Variants in CATSPERG observed in about 807,000 individuals in gnomAD.
CATSPERG encodes the protein catsper channel auxiliary subunit gamma, also known as cation channel sperm-associated auxiliary subunit gamma.
Under a neutral mutation model 145.0 loss-of-function variants are expected in CATSPERG, and 115 were observed. That is an observed-to-expected ratio of 0.79 (90% CI 0.68 to 0.93). The LOEUF is 0.93. CATSPERG is among the 40% of genes least tolerant of loss of function. CATSPERG has a pLI of 0.00. For missense variants in CATSPERG, 1,296 were observed against 1,490.1 expected (o/e 0.87, Z 2.14); for synonymous variants, 588 against 589.0 (o/e 1.00, Z 0.02).
chr19:38,344,495 T>C (rs1969993331), intron 6 of CATSPERG, 127 bp downstream of exon 6: 2 of 779,666 alleles, frequency 2.6e-6, no homozygotes, highest in Non-Finnish European at 4.4e-6. Context: ...CACATGAAGA[T>C]CCCATTAATC....
In CATSPERG at chr19:38,356,074, TTTA is replaced by T. The variant is rs144996184; in HGVS notation, c.1136-401_1136-399del. Among the ~76,000 whole-genome samples, 1,416 of 152,200 alleles carry T rather than the reference TTTA, an allele frequency of 9.3e-3. 26 individuals are homozygous for T. Among genetic ancestry groups the T allele is most frequent in the African/African-American group, 0.032 (1,333 of 41,514 alleles). ...GTGATGTGGTGAGTGTTACAAACAG[TTTA>T]TTATTATTGGTCCTATAATTTGGGT... On this transcript the variant is annotated intron_variant, in intron 9 of 28. Coordinates refer to ENST00000409235, the MANE Select transcript of CATSPERG (RefSeq NM_021185.5).
At chr19:38,343,935 G>A in intron 4 of CATSPERG, 58 bp from the exon 5 acceptor site, 5 of 1,539,934 alleles carry the variant, frequency 3.2e-6, no homozygotes, top group Non-Finnish European at 4.4e-6. Flanking sequence ...GTGGTCTGGG[G>A]CCTGGAACCG....
Position 38,361,601 on chromosome 19 carries a change from G to A in CATSPERG, c.1881-47G>A, listed in dbSNP as rs1370774768. 4 of 1,484,940 alleles carry A rather than the reference G, an allele frequency of 2.7e-6. No homozygotes were observed. The South Asian group carries it at 4.7e-5, about 17-fold the overall frequency. 92.0% of individuals were successfully genotyped at this position (1,484,940 alleles called of 1,614,324 possible). On this transcript the variant is annotated intron_variant, in intron 16 of 28. Transcript: ENST00000409235. ...AGAGGCCTGCGGAAGCTTCCAGTGC[G>A]CGGGGTGCCTTAGAGCCAGCAGCCT...
intron 8 of CATSPERG, among the ~76,000 whole-genome samples, chr19:38,354,394 A>G (rs945839736): frequency 2.0e-5 from 3 of 152,184 alleles, no homozygotes; most frequent in African/African-American, 7.2e-5. Flanking sequence ...AGCCCCAGAA[A>G]AGAGCATCTT....
Position 38,344,012 on chromosome 19 carries a change from A to G in CATSPERG, c.489A>G (p.Glu163=), listed in dbSNP as rs1352972302. The G allele has an allele frequency of 6.4e-7, 1 of 1,550,974 alleles. No individual in the cohort carries two copies. The highest frequency in any genetic ancestry group is 1.2e-5 in the South Asian group (1 of 84,022). The change falls in exon 5 of 29, where the codon GAA becomes GAG. Residue 163 remains glutamate (E), a synonymous_variant. Transcript: ENST00000409235. ...CTGCAGAGCCATGCATGGCAGAAGA[A>G]GTGTGTAGCATGAGCTGGTACACGC... is the stretch of plus-strand genomic sequence containing the variant. ...FRSKEPCMAE[E]VCSMSWYTPM... is the part of the protein sequence containing the mutation.
Position 38,367,316 on chromosome 19 carries a change from T to C in CATSPERG, c.2770+4T>C. ...CCCTGCTTTCTCTTCCGGGACAGTGTGTGTCCAGTCCCTTCCCCTGCACAG... is the reference window on the plus strand; with the variant it reads ...CCCTGCTTTCTCTTCCGGGACAGTGCGTGTCCAGTCCCTTCCCCTGCACAG... On this transcript the variant is annotated splice_donor_region_variant and intron_variant, in intron 23 of 28. Transcript: ENST00000409235. The C allele has an allele frequency of 1.2e-6, 2 of 1,609,976 alleles. No individual in the cohort carries two copies. Among genetic ancestry groups the C allele is most frequent in the Non-Finnish European group, 1.7e-6 (2 of 1,179,096 alleles).
At chr19:38,342,419 G>C (rs1216486733) in intron 3 of CATSPERG, among the ~76,000 whole-genome samples, 3 of 151,742 alleles carry the variant, frequency 2.0e-5, no homozygotes, top group African/African-American at 7.3e-5. Context: ...GGCCAACGTG[G>C]TGAAACCTCA....
intron 20 of CATSPERG, among the ~76,000 whole-genome samples, chr19:38,363,489 C>CTTTTTTTT (rs1173452820): frequency 1.6e-5 from 2 of 128,248 alleles, no homozygotes; most frequent in Admixed American, 7.9e-5. Flanking sequence ...TAGCCTATTC[C>CTTTTTTTT]TTTTTTTTTT....
intron 6 of CATSPERG, among the ~76,000 whole-genome samples, chr19:38,344,645 A>G (rs1478719152): frequency 6.6e-6 from 1 of 151,780 alleles, no homozygotes; most frequent in Non-Finnish European, 1.5e-5. Context: ...TCTGACTCCT[A>G]TACACACCTG....
rs142809708 is a variant in CATSPERG, at chr19:38,367,874, G to A, written c.2930+98G>A. On this transcript the variant is annotated intron_variant, in intron 25 of 28. Transcript: ENST00000409235. ...CCACCTCGCAAGCCCCCACCTCTGC[G>A]TCTCAGGCCCTGCCCACAGTGGGGC... 4.0e-3 allele frequency: 5,068 copies of A among 1,260,026 alleles called. 18 individuals carry two copies. The highest frequency in any genetic ancestry group is 5.1e-3 in the Non-Finnish European group (4,441 of 869,914). 78.1% of individuals were successfully genotyped at this position (1,260,026 alleles called of 1,614,324 possible). A position where few individuals can be genotyped will look rare whatever the true frequency, so the allele number is the denominator to read the frequency against.
At chr19:38,336,966 G>C in intron 1 of CATSPERG, 1 of 558,370 alleles carries the variant, frequency 1.8e-6, no homozygotes, top group Non-Finnish European at 3.2e-6. Context: ...AGCAAGAGCA[G>C]GGGCGGGACC....
chr19:38,356,790 C>G lies in CATSPERG; in HGVS notation c.1244C>G (p.Thr415Ser). 1 of 1,614,188 alleles carries G rather than the reference C, an allele frequency of 6.2e-7. No homozygotes were observed. Among genetic ancestry groups the G allele is most frequent in the Non-Finnish European group, 8.5e-7 (1 of 1,180,032 alleles). Residue 415 changes from threonine (T) to serine (S), a missense_variant, in exon 11 of 29, where the codon ACT becomes AGT. Physicochemically the swap from Thr to Ser is moderately conservative, Grantham distance 58. Transcript: ENST00000409235. The stretch of plus-strand genomic sequence containing the variant: ...TCTGAATACATCGCGGGTGAGTATA[C>G]TCTACTGCTGCTGGTGGAGAGTGGA... ...IWSEYIAGEY[T>S]LLLLVESGYG... is the part of the protein sequence containing the mutation.
rs200625714 is a variant in CATSPERG, at chr19:38,346,425, C to T, written c.670-25C>T. The T allele has an allele frequency of 1.4e-3, 2,158 of 1,510,424 alleles. 4 individuals carry two copies. Among genetic ancestry groups the T allele is most frequent in the Non-Finnish European group, 1.5e-3 (1,680 of 1,118,192 alleles). The allele number at this position is 1,510,424 out of a possible 1,614,324, so 93.6% of individuals were successfully genotyped here. ...CTCAGGAGAGTGGGGAGAGTGTTGG[C>T]GTCCCTCCTGTCCCTCCTTGGCAGC... On this transcript the variant is annotated intron_variant, in intron 6 of 28. Transcript: ENST00000409235.
intron 3 of CATSPERG, among the ~76,000 whole-genome samples, chr19:38,341,205 G>A (rs562966506): frequency 6.6e-6 from 1 of 152,320 alleles, no homozygotes; most frequent in South Asian, 2.1e-4. Context: ...CTCTGAGACA[G>A]AGCCTGAGAG....
chr19:38,346,350 G>A (rs761960786), intron 6 of CATSPERG, 100 bp from the exon 7 acceptor site: 21 of 1,107,148 alleles, frequency 1.9e-5, no homozygotes, highest in East Asian at 8.4e-5. Context: ...GACAAATCGC[G>A]TGGGGCCTTG....
At chr19:38,359,411 TG>T in intron 13 of CATSPERG, 58 bp from the exon 14 acceptor site, 2 of 1,104,652 alleles carry the variant, frequency 1.8e-6, no homozygotes, top group Non-Finnish European at 1.4e-6. Context: ...TTATTAGGCC[TG>T]GGATTGGGGG....
intron 3 of CATSPERG, among the ~76,000 whole-genome samples, chr19:38,343,120 G>A (rs1318555891): frequency 6.6e-6 from 1 of 152,124 alleles, no homozygotes; most frequent in Non-Finnish European, 1.5e-5. Context: ...CAAGGTGGGA[G>A]GCTCACTTGA....
chr19:38,359,897 A>C, intron 14 of CATSPERG: 4 of 1,066,698 alleles, frequency 3.7e-6, no homozygotes, highest in Non-Finnish European at 4.6e-6. Flanking sequence ...CAGAGTGATC[A>C]GGGCTGCAAT....
chr19:38,339,623 G>A (rs545492124), intron 3 of CATSPERG, among the ~76,000 whole-genome samples: 1 of 152,106 alleles, frequency 6.6e-6, no homozygotes, highest in South Asian at 2.1e-4. Flanking sequence ...TAATTTTGGT[G>A]AAGCCCAGTT....
Sources: allele counts gnomAD v4.1 joint callset (sites outside exome capture counted in the v4.1 genomes callset), GRCh38; gene constraint gnomAD v4.1.1; transcripts MANE v1.5; gene names NCBI Gene and HGNC (gene_info 2026-07-23, HGNC 2026-07-21).